CADM2: variants seen among roughly 807,000 people sequenced by gnomAD.
CADM2 encodes cell adhesion molecule 2.
Under a neutral mutation model 49.8 loss-of-function variants are expected in CADM2, and 12 were observed. That is an observed-to-expected ratio of 0.24 (90% CI 0.15 to 0.39). The LOEUF (loss-of-function observed/expected upper bound fraction) is 0.39. Among genes scored for constraint, CADM2 ranks in the 10% least tolerant of loss-of-function variants. CADM2 has a pLI of 1.00. For synonymous variants in CADM2, 214 were observed against 175.4 expected, an observed-to-expected ratio of 1.22 and a Z score of -1.74; for missense variants, 378 against 492.3, an observed-to-expected ratio of 0.77 and a Z score of 2.20.
chr3:84,984,245 C>T (rs1160851092), intron 1 of CADM2, among the ~76,000 whole-genome samples: 1 of 150,670 alleles, frequency 6.6e-6, no homozygotes, highest in Non-Finnish European at 1.5e-5. Flanking sequence ...TGTAACATGT[C>T]CAAAGACTGA....
chr3:85,974,566 A>T (rs1726545778), intron 8 of CADM2, among the ~76,000 whole-genome samples: 1 of 151,614 alleles, frequency 6.6e-6, no homozygotes, highest in Non-Finnish European at 1.5e-5. Flanking sequence ...TAAGCAGGAG[A>T]GATGATGGAC....
At chr3:85,553,586 C>T (rs2061872883) in intron 1 of CADM2, among the ~76,000 whole-genome samples, 1 of 152,142 alleles carries the variant, frequency 6.6e-6, no homozygotes, top group Non-Finnish European at 1.5e-5. Flanking sequence ...ATAATATCTT[C>T]CTACAGAGCC....
chr3:85,504,497 T>C (rs561619512), intron 1 of CADM2, among the ~76,000 whole-genome samples: 19 of 152,298 alleles, frequency 1.2e-4, no homozygotes, highest in Admixed American at 8.5e-4. Flanking sequence ...ATCCTGCTGA[T>C]TGGTAGAGCC....
intron 5 of CADM2, among the ~76,000 whole-genome samples, chr3:85,893,175 G>T (rs111566435): frequency 9.9e-5 from 15 of 152,232 alleles, no homozygotes; most frequent in African/African-American, 3.6e-4. Context: ...TAAAGAGAAA[G>T]CAGAGCATAA....
At chr3:85,282,799 A>G (rs535481980) in intron 1 of CADM2, among the ~76,000 whole-genome samples, 1 of 152,204 alleles carries the variant, frequency 6.6e-6, no homozygotes, top group African/African-American at 2.4e-5. Flanking sequence ...TATTGGCTAT[A>G]TACGTTCTTC....
chr3:85,253,212 AATAG>A (rs1323734301), intron 1 of CADM2, among the ~76,000 whole-genome samples: 4 of 152,076 alleles, frequency 2.6e-5, no homozygotes, highest in Non-Finnish European at 5.9e-5. Flanking sequence ...CTCCCCTATC[AATAG>A]ATATACAATA....
chr3:85,730,503 C>A (rs1559619050), intron 2 of CADM2, among the ~76,000 whole-genome samples: 1 of 150,686 alleles, frequency 6.6e-6, no homozygotes, highest in African/African-American at 2.5e-5. Flanking sequence ...TTCTTCAGAG[C>A]TTGCCTGAAA....
intron 1 of CADM2, among the ~76,000 whole-genome samples, chr3:85,470,628 T>C (rs2038726679): frequency 6.6e-6 from 1 of 152,168 alleles, no homozygotes; most frequent in East Asian, 1.9e-4. Flanking sequence ...CAATTAATTA[T>C]ATACAATAAA....
intron 1 of CADM2, among the ~76,000 whole-genome samples, chr3:85,507,861 T>A (rs2040427847): frequency 6.6e-6 from 1 of 152,190 alleles, no homozygotes; most frequent in Non-Finnish European, 1.5e-5. Flanking sequence ...CATCTAGGTA[T>A]GCAATTACAA....
chr3:85,828,178 G>A (rs1159948499), intron 3 of CADM2: 2 of 151,900 alleles, frequency 1.3e-5, no homozygotes, highest in African/African-American at 4.8e-5. Context: ...CAAGCTTCTT[G>A]TAGGTTTGGC....
At chr3:85,063,479 G>T (rs1029186805) in intron 1 of CADM2, among the ~76,000 whole-genome samples, 2 of 151,906 alleles carry the variant, frequency 1.3e-5, no homozygotes, top group African/African-American at 4.8e-5. Flanking sequence ...ACAGACACAA[G>T]ATAGCATAAA....
At chr3:85,359,666 A>ATATATATATATATATATATATATATTTT in intron 1 of CADM2, among the ~76,000 whole-genome samples, 18 of 26,536 alleles carry the variant, frequency 6.8e-4, no homozygotes, top group Admixed American at 1.2e-3. Flanking sequence ...ATATATATAT[A>ATATATATATATATATATATATATATTTT]TTTTTTTTTT....
intron 1 of CADM2, among the ~76,000 whole-genome samples, chr3:85,651,984 CT>C (rs75263402): frequency 6.2e-4 from 65 of 105,436 alleles, no homozygotes; most frequent in Admixed American, 6.3e-4. Flanking sequence ...CGCCCGGCTA[CT>C]TTTTTTTTTT....
intron 1 of CADM2, among the ~76,000 whole-genome samples, chr3:85,013,367 T>A (rs144880923): frequency 0.01 from 1,533 of 152,046 alleles, 36 homozygotes; most frequent in African/African-American, 0.035. Flanking sequence ...TTACCTGAGA[T>A]CTATTTTGAG....
At chr3:85,549,820 C>T (rs977815248) in intron 1 of CADM2, among the ~76,000 whole-genome samples, 19 of 139,736 alleles carry the variant, frequency 1.4e-4, no homozygotes, top group Admixed American at 4.6e-4. Context: ...TTAGTAGAGA[C>T]GGGGTTTCAC....
intron 3 of CADM2, among the ~76,000 whole-genome samples, chr3:85,817,068 TGCAG>T (rs2073252468): frequency 6.6e-6 from 1 of 152,232 alleles, no homozygotes; most frequent in Non-Finnish European, 1.5e-5. Flanking sequence ...ATTATTTCCC[TGCAG>T]GCTCTTGTGA....
chr3:85,488,206 A>G (rs2039510589), intron 1 of CADM2, among the ~76,000 whole-genome samples: 1 of 152,190 alleles, frequency 6.6e-6, no homozygotes, highest in African/African-American at 2.4e-5. Context: ...CTACTTGCTC[A>G]AATTCATTTG....
rs571269931 is a variant in CADM2 at position 86,014,840 on chromosome 3, G to A, written c.971-50765G>A. ...CCACCATCTATGAAGCCCTCCACCT[G>A]CCTGACATCAAGTTTTTTCCTAATG... On this transcript the variant is annotated intron_variant, in intron 8 of 9. Transcript: ENST00000383699. 119 of 1,512,172 alleles carry A rather than the reference G, an allele frequency of 7.9e-5. 1 individual carries two copies. The African/African-American group carries it at 1.5e-3, about 19-fold the overall frequency. The allele number at this position is 1,512,172 out of a possible 1,614,324, so 93.7% of individuals were successfully genotyped here.
At chr3:84,989,288 C>A (rs1228849332) in intron 1 of CADM2, among the ~76,000 whole-genome samples, 1 of 152,106 alleles carries the variant, frequency 6.6e-6, no homozygotes, top group Admixed American at 6.5e-5. Context: ...TCCCTTCCTG[C>A]CCTTTGGAAC....
Sources: allele counts gnomAD v4.1 joint callset (sites outside exome capture counted in the v4.1 genomes callset), GRCh38; gene constraint gnomAD v4.1.1; transcripts MANE v1.5; gene names NCBI Gene and HGNC (gene_info 2026-07-23, HGNC 2026-07-21).